The following CNOT6L variants were observed in gnomAD, a reference collection of about 807,000 sequenced individuals.
The protein encoded by CNOT6L is CCR4-NOT transcription complex subunit 6 like.
In CNOT6L, 7 loss-of-function variants were observed where a neutral mutation model predicts 64.0. The ratio of observed to expected loss-of-function variants is 0.11; its 90% CI spans 0.06 to 0.21. The LOEUF is 0.21. Ranked by LOEUF, CNOT6L falls within the 10% of genes least tolerant of loss-of-function variation. The probability of loss-of-function intolerance (pLI) is 1.00; values close to 1 mark genes in which losing one functional copy is unlikely to be tolerated. For synonymous variants in CNOT6L, 193 were observed against 243.4 expected (o/e 0.79, Z 1.93); for missense variants, 245 against 669.0 (o/e 0.37, Z 6.99).
rs774765537 is a variant in CNOT6L, at chr4:77,742,259, G to A, written c.754C>T (p.Pro252Ser). 16 of 1,612,274 alleles carry A rather than the reference G, an allele frequency of 9.9e-6. No homozygotes were observed. Among genetic ancestry groups the A allele is most frequent in the Non-Finnish European group, 7.6e-6 (9 of 1,179,184 alleles). Residue 252 changes from proline (P) to serine (S), a missense_variant, in exon 8 of 12, where the codon CCA becomes TCA. Coordinates refer to ENST00000504123, the MANE Select transcript of CNOT6L (RefSeq NM_144571.3). ...ETEQYFTLFL[P>S]ALKERGYDGF... is the part of the protein sequence containing the mutation. ...TCATATCCACGCTCCTTCAATGCTG[G>A]CAGAAAGAGAGTGAAGTATTGCTCT...
chr4:77,819,323 C>T lies in CNOT6L; in HGVS notation c.-15G>A. 1 of 1,613,562 alleles carries T rather than the reference C, an allele frequency of 6.2e-7. No individual in the cohort carries two copies. The highest frequency in any genetic ancestry group is 8.5e-7 in the Non-Finnish European group (1 of 1,179,704). On this transcript the variant is annotated 5_prime_UTR_variant, in exon 1 of 12. Transcript: ENST00000504123. ...CTCTACCTCATTCTCTTCCTCTGGC[C>T]CAGAAGCAACAGCAGCCATTTCCCC...
At position 77,778,660 on chromosome 4, in the gene CNOT6L, C is replaced by CTCCCAAAGTGCTGGGATTACAGGCA. The variant is rs375424764; in HGVS notation, c.6-2293_6-2269dup. 9.2e-4 allele frequency among the ~76,000 whole-genome samples: 140 copies of CTCCCAAAGTGCTGGGATTACAGGCA among 152,082 alleles called. 1 individual carries two copies. The South Asian group carries it at 0.017, about 19-fold the overall frequency. On this transcript the variant is annotated intron_variant, in intron 1 of 11. Coordinates refer to ENST00000504123, the MANE Select transcript of CNOT6L (RefSeq NM_144571.3). The stretch of plus-strand genomic sequence containing the variant: ...GACCTTGTGATCCGCCCGCCTTGGC[C>CTCCCAAAGTGCTGGGATTACAGGCA]TCCCAAAGTGCTGGGATTACAGGCA...
intron 11 of CNOT6L, among the ~76,000 whole-genome samples, chr4:77,722,584 A>G (rs1234595762): frequency 6.6e-6 from 1 of 152,216 alleles, no homozygotes; most frequent in African/African-American, 2.4e-5. Context: ...GAGTGCCGTC[A>G]TGCACATCAA....
chr4:77,737,653 T>G (rs1340598363), intron 8 of CNOT6L, among the ~76,000 whole-genome samples: 1 of 151,836 alleles, frequency 6.6e-6, no homozygotes, highest in Non-Finnish European at 1.5e-5. Flanking sequence ...CTCCTGACCT[T>G]GTGATCTACC....
chr4:77,793,959 T>C (rs966373869), intron 1 of CNOT6L, among the ~76,000 whole-genome samples: 4 of 151,744 alleles, frequency 2.6e-5, no homozygotes, highest in African/African-American at 9.7e-5. Flanking sequence ...GAGACCAGCC[T>C]GGCCAACATA....
chr4:77,815,741 A>G (rs1179375578), intron 1 of CNOT6L, among the ~76,000 whole-genome samples: 1 of 152,176 alleles, frequency 6.6e-6, no homozygotes, highest in African/African-American at 2.4e-5. Flanking sequence ...AATGGTCTTC[A>G]GGCAATAGGG....
At chr4:77,794,479 C>T (rs896178723) in intron 1 of CNOT6L, among the ~76,000 whole-genome samples, 4 of 152,030 alleles carry the variant, frequency 2.6e-5, no homozygotes, top group Middle Eastern at 3.2e-3. Context: ...GTTGATTTAA[C>T]GTTCAAAATA....
chr4:77,756,502 T>G (rs1725590677), intron 5 of CNOT6L, among the ~76,000 whole-genome samples: 2 of 152,192 alleles, frequency 1.3e-5, no homozygotes, highest in Admixed American at 1.3e-4. Context: ...AACTGTGTAT[T>G]TTTGTGATTA....
chr4:77,760,946 G>A (rs11728886), intron 4 of CNOT6L, among the ~76,000 whole-genome samples: 35,958 of 136,162 alleles, frequency 0.26, 5,186 homozygotes, highest in East Asian at 0.5. Context: ...TTGATCTCCT[G>A]ACCTCGTCAT....
rs1333059870 is a variant in CNOT6L at position 77,776,289 on chromosome 4, C to T, written c.109G>A (p.Ala37Thr). ...EVANGKKSHW[A>T]ELEISGRVRS... ...CACTCACCCGAGATTTCTAATTCTGCCCAGTGAGATTTTTTCCCATTGGCT... is the reference window on the plus strand; with the variant it reads ...CACTCACCCGAGATTTCTAATTCTGTCCAGTGAGATTTTTTCCCATTGGCT... Residue 37 changes from alanine to threonine, a missense_variant, in exon 2 of 12, where the codon GCA becomes ACA. Ala to Thr is a moderately conservative substitution (Grantham distance 58). Transcript: ENST00000504123. 2 of 1,611,548 alleles carry T rather than the reference C, an allele frequency of 1.2e-6. No individual in the cohort carries two copies. The highest frequency in any genetic ancestry group is 1.7e-5 in the Admixed American group (1 of 59,954).
chr4:77,768,705 T>C (rs1199538754), intron 4 of CNOT6L, among the ~76,000 whole-genome samples: 3 of 151,738 alleles, frequency 2.0e-5, no homozygotes, highest in East Asian at 1.9e-4. Flanking sequence ...CATGAAAAGA[T>C]GCAAAATCTT....
At chr4:77,780,460 T>C (rs1209208842) in intron 1 of CNOT6L, among the ~76,000 whole-genome samples, 3 of 152,204 alleles carry the variant, frequency 2.0e-5, no homozygotes, top group African/African-American at 7.2e-5. Flanking sequence ...CTTTCCAACT[T>C]TGCCATCTAA....
chr4:77,754,888 TAAAAA>T, intron 5 of CNOT6L, among the ~76,000 whole-genome samples: 59 of 36,958 alleles, frequency 1.6e-3, no homozygotes, highest in Non-Finnish European at 2.3e-3. Flanking sequence ...ACATTAGAAG[TAAAAA>T]AAAAAAAAAA....
At chr4:77,812,387 A>G (rs1232608231) in intron 1 of CNOT6L, among the ~76,000 whole-genome samples, 1 of 151,464 alleles carries the variant, frequency 6.6e-6, no homozygotes, top group Non-Finnish European at 1.5e-5. Flanking sequence ...GTAGTGAGCC[A>G]AGACAGTGCC....
At chr4:77,766,732 A>G (rs1403953364) in intron 4 of CNOT6L, among the ~76,000 whole-genome samples, 1 of 151,356 alleles carries the variant, frequency 6.6e-6, no homozygotes, top group Non-Finnish European at 1.5e-5. Context: ...GAAATAACCA[A>G]GAAAAGAGAA....
At chr4:77,800,826 T>C (rs568180308) in intron 1 of CNOT6L, among the ~76,000 whole-genome samples, 33 of 152,230 alleles carry the variant, frequency 2.2e-4, no homozygotes, top group Non-Finnish European at 4.4e-4. Context: ...AAAAGCTCCA[T>C]CCAGGAGAGG....
At chr4:77,751,231 G>T (rs1469074256) in intron 5 of CNOT6L, among the ~76,000 whole-genome samples, 1 of 151,928 alleles carries the variant, frequency 6.6e-6, no homozygotes, top group Non-Finnish European at 1.5e-5. Context: ...TTATCCAACT[G>T]AAAAATACAA....
At chr4:77,723,853 G>A (rs1050219546) in intron 11 of CNOT6L, among the ~76,000 whole-genome samples, 1 of 152,206 alleles carries the variant, frequency 6.6e-6, no homozygotes, top group Non-Finnish European at 1.5e-5. Context: ...AAGAGCTTTT[G>A]AAGGACTGTC....
intron 6 of CNOT6L, among the ~76,000 whole-genome samples, chr4:77,745,356 T>C (rs961934830): frequency 1.3e-5 from 2 of 152,200 alleles, no homozygotes; most frequent in African/African-American, 4.8e-5. Context: ...AGAATCGTTT[T>C]TGTCAATCAA....
Sources: gnomAD v4.1 joint callset for allele counts (sites outside exome capture counted in the v4.1 genomes callset) on GRCh38, gnomAD v4.1.1 for gene constraint, MANE v1.5 for transcripts, NCBI Gene and HGNC (gene_info 2026-07-23, HGNC 2026-07-21) for gene names.